The following BIN1 variants were observed in gnomAD, a reference collection of about 807,000 sequenced individuals.
BIN1 encodes the protein bridging integrator 1.
Under a neutral mutation model 82.0 loss-of-function variants are expected in BIN1, and 53 were observed. The observed-to-expected ratio is 0.65, with a 90% CI of 0.52 to 0.81. The LOEUF (loss-of-function observed/expected upper bound fraction) is 0.81, where lower values mean the gene tolerates loss of function less well. BIN1 is among the 40% of genes least tolerant of loss of function. The pLI is 0.00. For synonymous variants in BIN1, 302 were observed against 328.0 expected, an observed-to-expected ratio of 0.92 and a Z score of 0.86; for missense variants, 642 against 784.4, an observed-to-expected ratio of 0.82 and a Z score of 2.17.
At chr2:127,070,144 C>T (rs1041116191) in intron 4 of BIN1, 54 bp from the exon 5 acceptor site, 1 of 1,495,758 alleles carries the variant, frequency 6.7e-7, no homozygotes, top group Non-Finnish European at 9.3e-7. Context: ...CCACACCCGC[C>T]CCAGCGCTCA....
At chr2:127,099,352 G>A (rs1393039407) in intron 1 of BIN1, among the ~76,000 whole-genome samples, 1 of 149,418 alleles carries the variant, frequency 6.7e-6, no homozygotes, top group Non-Finnish European at 1.5e-5. Flanking sequence ...CAGGGTGCAT[G>A]TGTGTGTGTG....
intron 1 of BIN1, among the ~76,000 whole-genome samples, chr2:127,099,196 T>A (rs1034677495): frequency 2.6e-5 from 4 of 152,200 alleles, no homozygotes; most frequent in South Asian, 2.1e-4. Context: ...TGCAGCCACA[T>A]GTGCAACAAG....
intron 7 of BIN1, among the ~76,000 whole-genome samples, chr2:127,066,498 A>G (rs1685170006): frequency 6.6e-6 from 1 of 152,206 alleles, no homozygotes; most frequent in African/African-American, 2.4e-5. Context: ...CACCTGTTTC[A>G]GGGAAAATTA....
rs770096609 is a variant in BIN1 at position 127,067,264 on chromosome 2, G to C, written c.612+899C>G. Reference sequence around the variant, plus strand: ...GCCAGCCTCTCGGGAATATGGAGAAGTGTGAGGGCCACATCCAGGCTGTGA... The same window carrying C: ...GCCAGCCTCTCGGGAATATGGAGAACTGTGAGGGCCACATCCAGGCTGTGA... On this transcript the variant is annotated intron_variant, in intron 7 of 18. Transcript: ENST00000316724. This position sits in a 1 kb window ranked among gnomAD's most constrained non-coding sequence, Gnocchi z 4.7. Among the ~76,000 whole-genome samples the C allele has an allele frequency of 2.6e-5, 4 of 152,168 alleles. No homozygotes were observed. The highest frequency in any genetic ancestry group is 5.9e-5 in the Non-Finnish European group (4 of 68,036).
At chr2:127,063,768 C>T in intron 8 of BIN1, 122 bp from the exon 9 acceptor site, 4 of 1,386,490 alleles carry the variant, frequency 2.9e-6, no homozygotes, top group South Asian at 1.2e-5. Context: ...AGGGCCCAGG[C>T]ACCGCAGCAC....
In BIN1 at chr2:127,059,192, G is replaced by C. The variant is rs1179059048; in HGVS notation, c.858-37C>G. 2 of 1,555,140 alleles carry C rather than the reference G, an allele frequency of 1.3e-6. No homozygotes were observed. Among genetic ancestry groups the C allele is most frequent in the African/African-American group, 1.4e-5 (1 of 73,610 alleles). ...GACAAGAAAGGGAGCCCAGTGTTGG[G>C]GGGCCAAGGCACAGGAGACGGAGGG... On this transcript the variant is annotated intron_variant, in intron 10 of 18. Transcript: ENST00000316724. This position sits in a 1 kb window ranked among gnomAD's most constrained non-coding sequence, Gnocchi z 6.7.
Position 127,057,736 on chromosome 2 carries a change from G to T in BIN1, c.1003-135C>A. ...TCCCACCCAGGCCACTGAGCAGGAC[G>T]CAGCAAATGAAGAGTCACTGCCCTC... On this transcript the variant is annotated intron_variant, in intron 11 of 18. Transcript: ENST00000316724. This position sits in a 1 kb window ranked among gnomAD's most constrained non-coding sequence, Gnocchi z 5.0. 2 of 1,155,894 alleles carry T rather than the reference G, an allele frequency of 1.7e-6. No individual in the cohort carries two copies. The highest frequency in any genetic ancestry group is 2.3e-6 in the Non-Finnish European group (2 of 877,622). The allele number at this position is 1,155,894 out of a possible 1,614,324, so 71.6% of individuals were successfully genotyped here.
In BIN1 at chr2:127,082,562, C is replaced by T. The variant is rs573447692; in HGVS notation, c.85-5856G>A. Among the ~76,000 whole-genome samples, 4 of 152,196 alleles carry T rather than the reference C, an allele frequency of 2.6e-5. No individual in the cohort carries two copies. In the South Asian group the frequency reaches 8.3e-4, roughly 32 times the overall value. ...CCAAGATGCTGCCTGCTGTCTGACACATCAGGCTGGGGTGGCAGTGGTGAA... is the reference window on the plus strand; with the variant it reads ...CCAAGATGCTGCCTGCTGTCTGACATATCAGGCTGGGGTGGCAGTGGTGAA... On this transcript the variant is annotated intron_variant, in intron 1 of 18. Coordinates refer to ENST00000316724, the MANE Select transcript of BIN1 (RefSeq NM_139343.3). The surrounding 1 kb of genome is among the most constrained non-coding windows in gnomAD (Gnocchi z 6.1).
intron 1 of BIN1, among the ~76,000 whole-genome samples, chr2:127,103,684 G>A (rs1680638728): frequency 1.3e-5 from 2 of 152,156 alleles, no homozygotes; most frequent in Non-Finnish European, 2.9e-5. Context: ...CACCCCCTCA[G>A]CTGTCCTTCT....
intron 1 of BIN1, among the ~76,000 whole-genome samples, chr2:127,080,222 G>A (rs1430755131): frequency 6.6e-6 from 1 of 152,238 alleles, no homozygotes; most frequent in East Asian, 1.9e-4. Flanking sequence ...AACAGGAGCT[G>A]GGACAAGGCC....
rs1350574015 is a variant in BIN1, at chr2:127,067,123, C to T, written c.612+1040G>A. Reference sequence around the variant, plus strand: ...TGGACAGCAAGCCATGCCAAGCCCACCCAGAGCTCTCCACGTCACAGGCAC... The same window carrying T: ...TGGACAGCAAGCCATGCCAAGCCCATCCAGAGCTCTCCACGTCACAGGCAC... On this transcript the variant is annotated intron_variant, in intron 7 of 18. Transcript: ENST00000316724. This position sits in a 1 kb window ranked among gnomAD's most constrained non-coding sequence, Gnocchi z 4.7. 2.6e-5 allele frequency among the ~76,000 whole-genome samples: 4 copies of T among 151,666 alleles called. No homozygotes were observed. Among genetic ancestry groups the T allele is most frequent in the African/African-American group, 9.7e-5 (4 of 41,278 alleles).
chr2:127,056,981 T>C (rs1229030237), intron 12 of BIN1, among the ~76,000 whole-genome samples: 1 of 152,230 alleles, frequency 6.6e-6, no homozygotes, highest in Non-Finnish European at 1.5e-5. Context: ...CTGCTGTATC[T>C]GGGCATTCCA....
intron 1 of BIN1, among the ~76,000 whole-genome samples, chr2:127,099,700 G>C (rs904807314): frequency 2.6e-5 from 4 of 151,988 alleles, no homozygotes; most frequent in Non-Finnish European, 5.9e-5. Context: ...TTTTAGTAGA[G>C]ACGGGGGTTC....
intron 5 of BIN1, among the ~76,000 whole-genome samples, chr2:127,069,322 C>T (rs1222200811): frequency 2.0e-5 from 3 of 152,232 alleles, no homozygotes; most frequent in Non-Finnish European, 4.4e-5. Context: ...CTTCTCATCT[C>T]CACAGCCACC....
In BIN1 at chr2:127,054,009, C is replaced by CA; in HGVS notation, c.1134dup (p.Glu379Ter). The CA allele has an allele frequency of 6.4e-7, 1 of 1,551,158 alleles. No homozygotes were observed. The highest frequency in any genetic ancestry group is 8.7e-7 in the Non-Finnish European group (1 of 1,146,828). On this transcript the variant is annotated frameshift_variant, in exon 13 of 19. Coordinates refer to ENST00000316724, the MANE Select transcript of BIN1 (RefSeq NM_139343.3). LOFTEE classifies it high-confidence loss of function. ...TGCTCCGAGAAAGGCCCCGGGGCCTCAAACTTGGCAGCAGCAGCAGCAGCA... is the reference window on the plus strand; with the variant it reads ...TGCTCCGAGAAAGGCCCCGGGGCCTCAAAACTTGGCAGCAGCAGCAGCAGCA...
intron 2 of BIN1, among the ~76,000 whole-genome samples, chr2:127,076,162 C>G (rs1013284586): frequency 1.3e-5 from 2 of 152,126 alleles, no homozygotes; most frequent in African/African-American, 4.8e-5. Context: ...GCTGCGGATG[C>G]CTCCCCACAG....
intron 1 of BIN1, among the ~76,000 whole-genome samples, chr2:127,088,492 T>C (rs1368514934): frequency 2.6e-5 from 4 of 152,000 alleles, no homozygotes; most frequent in East Asian, 3.9e-4. Flanking sequence ...TCCCAGCACT[T>C]TGGGAGGCTG....
chr2:127,094,312 C>A (rs1679305333), intron 1 of BIN1, among the ~76,000 whole-genome samples: 1 of 152,256 alleles, frequency 6.6e-6, no homozygotes, highest in Non-Finnish European at 1.5e-5. Context: ...AGGCTTTTAT[C>A]CTCCGAAGCC....
chr2:127,092,701 C>T (rs939247169), intron 1 of BIN1, among the ~76,000 whole-genome samples: 1 of 152,170 alleles, frequency 6.6e-6, no homozygotes. Flanking sequence ...CTAGAAAGGT[C>T]CCCAGAGTGT....
Sources: allele counts gnomAD v4.1 joint callset (sites outside exome capture counted in the v4.1 genomes callset), GRCh38; gene constraint gnomAD v4.1.1; non-coding constraint Gnocchi (gnomAD v3.1); transcripts MANE v1.5; gene names NCBI Gene and HGNC (gene_info 2026-07-23, HGNC 2026-07-21).